BCL2L15: variants seen among roughly 807,000 people sequenced by gnomAD.
The protein encoded by BCL2L15 is bcl-2-like protein 15.
Under a neutral mutation model 18.3 loss-of-function variants are expected in BCL2L15, and 15 were observed. The observed-to-expected ratio is 0.82, with a 90% CI of 0.55 to 1.26. BCL2L15 has a LOEUF of 1.26. Ranked by LOEUF, BCL2L15 falls within the 50% of genes most tolerant of loss-of-function variation. The probability of loss-of-function intolerance (pLI) is 0.00; values close to 1 mark genes in which losing one functional copy is unlikely to be tolerated. For missense variants in BCL2L15, 180 were observed against 201.7 expected (o/e 0.89, Z 0.65); for synonymous variants, 58 against 68.5 (o/e 0.85, Z 0.76).
Position 113,877,120 on chromosome 1 carries a change from G to T in BCL2L15, c.*4003C>A, listed in dbSNP as rs965270287. ...GGTTGGGTCTTGAAGATGTCTACAG[G>T]TAGAGCCTCAGAAAAAGGAATATGA... On this transcript the variant is annotated 3_prime_UTR_variant, in exon 4 of 4. Transcript: ENST00000393316. 1.1e-4 allele frequency among the ~76,000 whole-genome samples: 16 copies of T among 152,084 alleles called. No homozygotes were observed. The highest frequency in any genetic ancestry group is 7.4e-5 in the Non-Finnish European group (5 of 68,024).
At chr1:113,884,844 G>A (rs371239752) in intron 2 of BCL2L15, among the ~76,000 whole-genome samples, 4 of 151,196 alleles carry the variant, frequency 2.6e-5, no homozygotes, top group East Asian at 3.9e-4. Flanking sequence ...GCACCATCTC[G>A]GCTCACTGCA....
At chr1:113,882,148 CT>C in intron 2 of BCL2L15, 151 bp from the exon 3 acceptor site, 1 of 598,666 alleles carries the variant, frequency 1.7e-6, no homozygotes. Context: ...GATGAATAAT[CT>C]TTTCTCATTT....
intron 2 of BCL2L15, among the ~76,000 whole-genome samples, chr1:113,884,781 G>A (rs1666978410): frequency 6.8e-6 from 1 of 146,684 alleles, no homozygotes; most frequent in Admixed American, 6.8e-5. Flanking sequence ...ATTTATTTAT[G>A]TTTTTTTTTT....
chr1:113,882,929 G>C (rs1666922057), intron 2 of BCL2L15, among the ~76,000 whole-genome samples: 1 of 152,056 alleles, frequency 6.6e-6, no homozygotes, highest in Non-Finnish European at 1.5e-5. Flanking sequence ...AACAGAGAAA[G>C]ACTGTCTCAA....
At position 113,881,847 on chromosome 1, in the gene BCL2L15, C is replaced by T; in HGVS notation, c.400G>A (p.Val134Met). The stretch of plus-strand genomic sequence containing the variant: ...ATCATACCCGTCATGGGGATAGCCA[C>T]CTGTCCCACTACTTCAGGAGCAATG... The part of the protein sequence containing the change: ...AHIAPEVVGQ[V>M]AIPMTGMING... The change falls in exon 3 of 4, where the codon GTG (valine) becomes ATG (methionine). Residue 134 changes from valine (V) to methionine (M), a missense_variant. Physicochemically the swap from Val to Met is conservative, Grantham distance 21. Transcript: ENST00000393316. 1.2e-6 allele frequency: 2 copies of T among 1,614,220 alleles called. No individual in the cohort carries two copies. The highest frequency in any genetic ancestry group is 1.7e-6 in the Non-Finnish European group (2 of 1,180,042).
chr1:113,885,481 G>T (rs1454683527), intron 2 of BCL2L15, among the ~76,000 whole-genome samples: 3 of 151,936 alleles, frequency 2.0e-5, no homozygotes, highest in Admixed American at 1.3e-4. Context: ...GAGAACAGTG[G>T]TGTGATCTTG....
chr1:113,886,465 G>A, intron 2 of BCL2L15, 72 bp downstream of exon 2: 1 of 1,449,068 alleles, frequency 6.9e-7, no homozygotes, highest in East Asian at 2.3e-5. Flanking sequence ...ACTGTAGTAT[G>A]GGAGTAGTAA....
chr1:113,880,923 C>A lies in BCL2L15; in HGVS notation c.*200G>T, dbSNP rs79452429. On this transcript the variant is annotated 3_prime_UTR_variant, in exon 4 of 4. Transcript: ENST00000393316. ...TTTGCATTAAGTTGACAAAACAAAA[C>A]AAAACAAAAACCAACTCTGCAGGCC... The A allele has an allele frequency of 1.6e-4, 50 of 312,482 alleles. No individual in the cohort carries two copies. Among genetic ancestry groups the A allele is most frequent in the Middle Eastern group, 1.9e-3 (2 of 1,058 alleles). 19.4% of individuals were successfully genotyped at this position (312,482 alleles called of 1,614,324 possible).
At position 113,887,297 on chromosome 1, in the gene BCL2L15, A is replaced by G; in HGVS notation, c.79T>C (p.Leu27=). The part of the protein sequence containing the change: ...TLLMDFLSPT[L]QVASRNLCCV... The stretch of plus-strand genomic sequence containing the variant: ...CATAGGTTCCGGCTGGCAACCTGCA[A>G]TGTTGGGCTCAAGAAGTCCATGAGT... Residue 27 remains leucine (L), a synonymous_variant, in exon 1 of 4, where the codon TTG becomes CTG. Coordinates refer to ENST00000393316, the MANE Select transcript of BCL2L15 (RefSeq NM_001010922.3). 6.2e-7 allele frequency: 1 copy of G among 1,614,184 alleles called. No homozygotes were observed. Among genetic ancestry groups the G allele is most frequent in the Non-Finnish European group, 8.5e-7 (1 of 1,180,010 alleles).
Position 113,877,416 on chromosome 1 carries a change from T to G in BCL2L15, c.*3707A>C, listed in dbSNP as rs183693841. Among the ~76,000 whole-genome samples, 2 of 152,110 alleles carry G rather than the reference T, an allele frequency of 1.3e-5. No individual in the cohort carries two copies. Among genetic ancestry groups the G allele is most frequent in the African/African-American group, 4.8e-5 (2 of 41,476 alleles). On this transcript the variant is annotated 3_prime_UTR_variant, in exon 4 of 4. Coordinates refer to ENST00000393316, the MANE Select transcript of BCL2L15 (RefSeq NM_001010922.3). ...CAAAGTATGCAGTTTGATAAGTTGG[T>G]GTGAAATCATCACCCATAAAATCAC... is the stretch of plus-strand genomic sequence containing the variant.
At position 113,877,476 on chromosome 1, in the gene BCL2L15, C is replaced by A. The variant is rs1004048728; in HGVS notation, c.*3647G>T. 6.6e-6 allele frequency among the ~76,000 whole-genome samples: 1 copy of A among 152,112 alleles called. No homozygotes were observed. Among genetic ancestry groups the A allele is most frequent in the Non-Finnish European group, 1.5e-5 (1 of 68,028 alleles). On this transcript the variant is annotated 3_prime_UTR_variant, in exon 4 of 4. Coordinates refer to ENST00000393316, the MANE Select transcript of BCL2L15 (RefSeq NM_001010922.3). ...GATAATGAACATGTCTAATCACACT[C>A]AAAAGTTCCACTGAAGGACTTTAAG...
intron 2 of BCL2L15, among the ~76,000 whole-genome samples, chr1:113,886,238 T>TTA (rs1667032464): frequency 7.2e-6 from 1 of 139,582 alleles, no homozygotes; most frequent in African/African-American, 2.7e-5. Flanking sequence ...AAAAAAAAGA[T>TTA]ACTATACTTT....
rs1166118059 is a variant in BCL2L15 at position 113,877,704 on chromosome 1, G to A, written c.*3419C>T. On this transcript the variant is annotated 3_prime_UTR_variant, in exon 4 of 4. Transcript: ENST00000393316. ...CAATCTGATGGCAGTATATAGGACA[G>A]ACTGGAATGGAGCAGGAACAGAACA... Among the ~76,000 whole-genome samples the A allele has an allele frequency of 6.6e-6, 1 of 152,212 alleles. No homozygotes were observed. Among genetic ancestry groups the A allele is most frequent in the African/African-American group, 2.4e-5 (1 of 41,454 alleles).
In BCL2L15 at chr1:113,879,720, A is replaced by G. The variant is rs1041136965; in HGVS notation, c.*1403T>C. ...CAACTTTTTCTGTAAAGGGCCAGCT[A>G]GTAAATATTTTGGACTTAACCAGCC... On this transcript the variant is annotated 3_prime_UTR_variant, in exon 4 of 4. Transcript: ENST00000393316. The G allele has an allele frequency of 2.6e-5, 4 of 152,350 alleles. No homozygotes were observed. Among genetic ancestry groups the G allele is most frequent in the South Asian group, 4.1e-4 (2 of 4,830 alleles). 9.4% of individuals were successfully genotyped at this position (152,350 alleles called of 1,614,324 possible). A position where few individuals can be genotyped will look rare whatever the true frequency, so the allele number is the denominator to read the frequency against.
chr1:113,882,133 G>A, intron 2 of BCL2L15, 136 bp from the exon 3 acceptor site: 1 of 616,900 alleles, frequency 1.6e-6, no homozygotes, highest in Middle Eastern at 4.3e-4. Context: ...AAATCTTAGA[G>A]AGTAGATGAA....
chr1:113,877,421 A>G lies in BCL2L15; in HGVS notation c.*3702T>C, dbSNP rs1433123882. Among the ~76,000 whole-genome samples, 1 of 152,074 alleles carries G rather than the reference A, an allele frequency of 6.6e-6. No individual in the cohort carries two copies. Among genetic ancestry groups the G allele is most frequent in the Non-Finnish European group, 1.5e-5 (1 of 68,016 alleles). On this transcript the variant is annotated 3_prime_UTR_variant, in exon 4 of 4. Transcript: ENST00000393316. ...TATGCAGTTTGATAAGTTGGTGTGA[A>G]ATCATCACCCATAAAATCACTACAA...
Position 113,879,869 on chromosome 1 carries a change from C to T in BCL2L15, c.*1254G>A, listed in dbSNP as rs191716869. 9.8e-5 allele frequency: 15 copies of T among 152,286 alleles called. No homozygotes were observed. Among genetic ancestry groups the T allele is most frequent in the African/African-American group, 3.6e-4 (15 of 41,556 alleles). The allele number at this position is 152,286 out of a possible 1,614,324, so 9.4% of individuals were successfully genotyped here. ...TTATTTACAAAATAAGACAGCAAGC[C>T]AGATTTGACGCGTGGGTTGTAATTT... On this transcript the variant is annotated 3_prime_UTR_variant, in exon 4 of 4. Coordinates refer to ENST00000393316, the MANE Select transcript of BCL2L15 (RefSeq NM_001010922.3).
rs564470672 is a variant in BCL2L15, at chr1:113,882,764, C to A, written c.250-767G>T. 1.1e-4 allele frequency among the ~76,000 whole-genome samples: 17 copies of A among 151,528 alleles called. No homozygotes were observed. In the South Asian group the frequency reaches 3.5e-3, roughly 31 times the overall value. ...GACTAGCCTGGGCAACATATTGAGA[C>A]CCTGTCTCTATGAAAAATTTTAAAA... is the stretch of plus-strand genomic sequence containing the variant. On this transcript the variant is annotated intron_variant, in intron 2 of 3. Coordinates refer to ENST00000393316, the MANE Select transcript of BCL2L15 (RefSeq NM_001010922.3).
chr1:113,885,266 AT>A (rs1427421392), intron 2 of BCL2L15, among the ~76,000 whole-genome samples: 1 of 149,326 alleles, frequency 6.7e-6, no homozygotes, highest in Non-Finnish European at 1.5e-5. Context: ...AAAAAAAAAA[AT>A]ATGTTTAATG....
Sources: gnomAD v4.1 joint callset for allele counts (sites outside exome capture counted in the v4.1 genomes callset) on GRCh38, gnomAD v4.1.1 for gene constraint, MANE v1.5 for transcripts, NCBI Gene and HGNC (gene_info 2026-07-23, HGNC 2026-07-21) for gene names.